Variants in CCDC148 observed in about 807,000 individuals in gnomAD.
The protein encoded by CCDC148 is coiled-coil domain-containing protein 148.
Under a neutral mutation model 85.7 loss-of-function variants are expected in CCDC148, and 89 were observed. The observed-to-expected ratio is 1.04, with a 90% confidence interval of 0.87 to 1.24. The LOEUF (loss-of-function observed/expected upper bound fraction) is 1.24. Ranked by LOEUF, CCDC148 falls within the 50% of genes most tolerant of loss-of-function variation. The pLI, the probability that CCDC148 is intolerant of heterozygous loss-of-function variation, is 0.00. For missense variants in CCDC148, 692 were observed against 671.7 expected, an observed-to-expected ratio of 1.03 and a Z score of -0.33; for synonymous variants, 230 against 213.9, an observed-to-expected ratio of 1.08 and a Z score of -0.66.
rs6742162 is a variant in CCDC148, at chr2:158,328,516, T to G, written c.764+10210A>C. 4.5e-3 allele frequency among the ~76,000 whole-genome samples: 680 copies of G among 152,260 alleles called. 4 individuals are homozygous for G. The highest frequency in any genetic ancestry group is 0.015 in the African/African-American group (631 of 41,546). On this transcript the variant is annotated intron_variant, in intron 7 of 13. Coordinates refer to ENST00000283233, the MANE Select transcript of CCDC148 (RefSeq NM_138803.4). The stretch of plus-strand genomic sequence containing the variant: ...TATAGCAGCATGATTTATAATCCTT[T>G]GGGTATATACCCAGTAATGGGATGG...
At chr2:158,349,440 A>AT (rs1683153681) in intron 2 of CCDC148, among the ~76,000 whole-genome samples, 1 of 151,930 alleles carries the variant, frequency 6.6e-6, no homozygotes, top group Non-Finnish European at 1.5e-5. Flanking sequence ...GAGCCTATGT[A>AT]TTTTTAATTC....
rs376809907 is a variant in CCDC148, at chr2:158,276,240, G to A, written c.1111-25328C>T. 5.3e-5 allele frequency among the ~76,000 whole-genome samples: 8 copies of A among 152,194 alleles called. No homozygotes were observed. The South Asian group carries it at 6.2e-4, about 12-fold the overall frequency. ...GAGGTCAGGAGTTCAAGACCAGCCTGGCCAATATGGTGAAACCCTGTCTCT... is the reference window on the plus strand; with the variant it reads ...GAGGTCAGGAGTTCAAGACCAGCCTAGCCAATATGGTGAAACCCTGTCTCT... On this transcript the variant is annotated intron_variant, in intron 9 of 13. Coordinates refer to ENST00000283233, the MANE Select transcript of CCDC148 (RefSeq NM_138803.4).
rs750928393 is a variant in CCDC148 at position 158,340,728 on chromosome 2, C to T, written c.252-48G>A. 1.5e-5 allele frequency: 17 copies of T among 1,117,442 alleles called. No individual in the cohort carries two copies. In the African/African-American group the frequency reaches 2.4e-4, roughly 16 times the overall value. 69.2% of individuals were successfully genotyped at this position (1,117,442 alleles called of 1,614,324 possible). ...AAATGTTACAATCATAAACATACAT[C>T]TAGGTTTTTAAAAAATAACCAAAGA... On this transcript the variant is annotated intron_variant, in intron 3 of 13. Transcript: ENST00000283233.
intron 1 of CCDC148, among the ~76,000 whole-genome samples, chr2:158,404,118 T>C (rs1034298437): frequency 3.9e-5 from 6 of 152,152 alleles, no homozygotes; most frequent in Admixed American, 2.6e-4. Context: ...ACACAGTGCC[T>C]GGTATAGAGC....
chr2:158,280,530 A>G lies in CCDC148; in HGVS notation c.1110+28903T>C, dbSNP rs1271863945. Among the ~76,000 whole-genome samples, 7 of 152,364 alleles carry G rather than the reference A, an allele frequency of 4.6e-5. No homozygotes were observed. In the East Asian group the frequency reaches 1.3e-3, roughly 29 times the overall value. On this transcript the variant is annotated intron_variant, in intron 9 of 13. Transcript: ENST00000283233. ...CAACAAAGATCAAAAGAGACAAAGA[A>G]GGCCAATACATAATGGTAAAGGGAT...
intron 1 of CCDC148, among the ~76,000 whole-genome samples, chr2:158,449,578 A>G (rs896232279): frequency 3.9e-5 from 6 of 151,968 alleles, no homozygotes; most frequent in Non-Finnish European, 7.4e-5. Context: ...CCTTTCGAGT[A>G]GCTGGCACTA....
chr2:158,382,401 G>C (rs959391864), intron 1 of CCDC148, among the ~76,000 whole-genome samples: 2 of 152,080 alleles, frequency 1.3e-5, no homozygotes, highest in Non-Finnish European at 1.5e-5. Flanking sequence ...ATTAATACTA[G>C]TGCCGACTTA....
chr2:158,225,710 G>A (rs1687476004), intron 10 of CCDC148, among the ~76,000 whole-genome samples: 1 of 152,162 alleles, frequency 6.6e-6, no homozygotes, highest in Non-Finnish European at 1.5e-5. Context: ...TGACTACTGG[G>A]TACATAATGA....
chr2:158,319,941 G>C (rs16842874), intron 7 of CCDC148, among the ~76,000 whole-genome samples: 52,652 of 151,998 alleles, frequency 0.35, 9,355 homozygotes, highest in African/African-American at 0.43. Flanking sequence ...AGATCATCTA[G>C]AAATACATTA....
chr2:158,297,335 C>T (rs1293773549), intron 9 of CCDC148, among the ~76,000 whole-genome samples: 2 of 152,144 alleles, frequency 1.3e-5, no homozygotes, highest in Non-Finnish European at 2.9e-5. Flanking sequence ...TAAATTACAT[C>T]TATAGATGTT....
At chr2:158,321,627 A>AT in intron 7 of CCDC148, among the ~76,000 whole-genome samples, 1 of 152,280 alleles carries the variant, frequency 6.6e-6, no homozygotes, top group Admixed American at 6.5e-5. Context: ...TCAGTTACCT[A>AT]TTATACCCCT....
At chr2:158,303,630 A>G (rs189559955) in intron 9 of CCDC148, among the ~76,000 whole-genome samples, 1 of 152,360 alleles carries the variant, frequency 6.6e-6, no homozygotes, top group Admixed American at 6.5e-5. Flanking sequence ...AATTCCAATG[A>G]TAACACCCTC....
chr2:158,388,029 A>G (rs1458123075), intron 1 of CCDC148, among the ~76,000 whole-genome samples: 1 of 152,192 alleles, frequency 6.6e-6, no homozygotes, highest in Non-Finnish European at 1.5e-5. Context: ...AAAGTTCAGG[A>G]AGGGACAAAG....
chr2:158,296,329 C>T (rs979574005), intron 9 of CCDC148, among the ~76,000 whole-genome samples: 3 of 152,126 alleles, frequency 2.0e-5, no homozygotes, highest in Admixed American at 6.5e-5. Flanking sequence ...ATAGGACTAC[C>T]CTTTCTTCAT....
At chr2:158,211,934 CA>C (rs1463989200) in intron 11 of CCDC148, among the ~76,000 whole-genome samples, 1 of 152,146 alleles carries the variant, frequency 6.6e-6, no homozygotes, top group Non-Finnish European at 1.5e-5. Context: ...TGATAATATC[CA>C]AATAATCTGT....
Position 158,345,264 on chromosome 2 carries a change from G to T in CCDC148, c.202C>A (p.Gln68Lys). The change falls in exon 3 of 14, where the codon CAA becomes AAA. Residue 68 changes from glutamine to lysine, a missense_variant. Gln to Lys is a moderately conservative substitution (Grantham distance 53). Transcript: ENST00000283233. ...TCCTGCCACCACACTTGCTTGTGTTGTTTTATTAGTGTTTGTTCTTTGGAT... is the reference window on the plus strand; with the variant it reads ...TCCTGCCACCACACTTGCTTGTGTTTTTTTATTAGTGTTTGTTCTTTGGAT... ...KLSKEQTLIK[Q>K]HKQVWWQEYQ... The T allele has an allele frequency of 6.2e-7, 1 of 1,613,342 alleles. No homozygotes were observed. The highest frequency in any genetic ancestry group is 8.5e-7 in the Non-Finnish European group (1 of 1,179,592).
At chr2:158,336,165 A>G (rs74559248) in intron 7 of CCDC148, among the ~76,000 whole-genome samples, 1,945 of 152,310 alleles carry the variant, frequency 0.013, 32 homozygotes, top group African/African-American at 0.044. Context: ...TAGTGAAGAT[A>G]CTGGTAAACT....
At chr2:158,280,296 T>C (rs892457192) in intron 9 of CCDC148, among the ~76,000 whole-genome samples, 1 of 152,270 alleles carries the variant, frequency 6.6e-6, no homozygotes, top group Non-Finnish European at 1.5e-5. Context: ...TAAATGTAAA[T>C]GGACTAAATG....
intron 3 of CCDC148, among the ~76,000 whole-genome samples, chr2:158,342,026 CTTTT>C (rs1159799812): frequency 1.6e-5 from 1 of 62,660 alleles, no homozygotes; most frequent in Non-Finnish European, 2.7e-5. Context: ...ATTTTCTTTT[CTTTT>C]TTTTTTTTTT....
Sources: allele counts gnomAD v4.1 joint callset (sites outside exome capture counted in the v4.1 genomes callset), GRCh38; gene constraint gnomAD v4.1.1; transcripts MANE v1.5; gene names NCBI Gene and HGNC (gene_info 2026-07-23, HGNC 2026-07-21).